Variants in CCDC187 observed in about 807,000 individuals in gnomAD.
CCDC187 encodes the protein coiled-coil domain containing 187, also known as coiled-coil domain-containing protein 187.
A neutral mutation model predicts 38.0 loss-of-function variants in CCDC187; 32 were observed. The observed-to-expected ratio is 0.84, with a 90% CI of 0.64 to 1.13. CCDC187 has a LOEUF of 1.13. Among genes scored for constraint, CCDC187 ranks in the 50% most tolerant of loss-of-function variants. The pLI, the probability that CCDC187 is intolerant of heterozygous loss-of-function variation, is 0.00. For synonymous variants in CCDC187, 333 were observed against 347.9 expected (o/e 0.96, Z 0.48); for missense variants, 707 against 786.8 (o/e 0.90, Z 1.21).
In CCDC187 at chr9:136,251,235, G is replaced by A. The variant is rs1438542310; in HGVS notation, c.*2359C>T. On this transcript the variant is annotated 3_prime_UTR_variant, in exon 26 of 26. Transcript: ENST00000638797. Reference sequence around the variant, plus strand: ...CCAGAGAAATTACAGGGGTCCCAGTGAATCCTCTGGAAGCAAAGAAAAGTC... The same window carrying A: ...CCAGAGAAATTACAGGGGTCCCAGTAAATCCTCTGGAAGCAAAGAAAAGTC... 1 of 337,390 alleles carries A rather than the reference G, an allele frequency of 3.0e-6. No individual in the cohort carries two copies. Among genetic ancestry groups the A allele is most frequent in the Non-Finnish European group, 5.9e-6 (1 of 168,616 alleles). The allele number at this position is 337,390 out of a possible 1,614,324, so 20.9% of individuals were successfully genotyped here.
At chr9:136,272,366 TA>T (rs1488691848) in intron 14 of CCDC187, among the ~76,000 whole-genome samples, 1 of 152,180 alleles carries the variant, frequency 6.6e-6, no homozygotes, top group Non-Finnish European at 1.5e-5. Flanking sequence ...ATAAAACATT[TA>T]AAATAAGCCT....
intron 4 of CCDC187, among the ~76,000 whole-genome samples, chr9:136,293,708 A>C (rs1170972256): frequency 1.3e-5 from 2 of 151,832 alleles, no homozygotes; most frequent in African/African-American, 4.8e-5. Flanking sequence ...GCTCAGTCAC[A>C]TGCTTTCACA....
intron 8 of CCDC187, chr9:136,285,809 C>T (rs1831165647): frequency 7.6e-6 from 3 of 397,146 alleles, no homozygotes; most frequent in South Asian, 1.4e-4. Context: ...CCTCACCCTT[C>T]TGGCCAGAGA....
chr9:136,306,628 G>C (rs1217682029), upstream of CCDC187, among the ~76,000 whole-genome samples: 5 of 152,210 alleles, frequency 3.3e-5, no homozygotes, highest in Non-Finnish European at 7.4e-5. Flanking sequence ...CCTAAGTCAT[G>C]TGTCCAGGGT....
rs1311459673 is a variant in CCDC187, at chr9:136,250,833, G to A, written c.*2761C>T. 3.5e-5 allele frequency: 16 copies of A among 456,190 alleles called. No homozygotes were observed. Among genetic ancestry groups the A allele is most frequent in the African/African-American group, 3.0e-4 (15 of 50,220 alleles). 28.3% of individuals were successfully genotyped at this position (456,190 alleles called of 1,614,324 possible). A position where few individuals can be genotyped will look rare whatever the true frequency, so the allele number is the denominator to read the frequency against. ...GCTAAGCAGCCGCCCCGGGGCTGGA[G>A]AAGGCAGGCTGGGTCCAGCTGCTCC... On this transcript the variant is annotated 3_prime_UTR_variant, in exon 26 of 26. Transcript: ENST00000638797.
chr9:136,280,281 C>G (rs918593040), intron 10 of CCDC187, among the ~76,000 whole-genome samples: 2 of 152,226 alleles, frequency 1.3e-5, no homozygotes, highest in African/African-American at 4.8e-5. Flanking sequence ...CTGTAAGGGC[C>G]GGGGCCTGCT....
intron 10 of CCDC187, among the ~76,000 whole-genome samples, chr9:136,278,308 A>C (rs1830972886): frequency 6.6e-6 from 1 of 152,134 alleles, no homozygotes; most frequent in African/African-American, 2.4e-5. Context: ...TGGCCTGAGG[A>C]GGGGGAGTCC....
chr9:136,286,682 A>G lies in CCDC187; in HGVS notation c.2236T>C (p.Leu746=). ...TCAGCATGGTTCCAGGCTCTGTTCA[A>G]ACACAGGCAGAAGCTGCAGGAAGAG... ...QEAPGSFCLC[L]NRAWNHAETL... Residue 746 remains leucine, a synonymous_variant, in exon 8 of 26, where the codon TTG becomes CTG. Transcript: ENST00000638797. 4 of 398,768 alleles carry G rather than the reference A, an allele frequency of 1.0e-5. No homozygotes were observed. The highest frequency in any genetic ancestry group is 1.8e-5 in the Non-Finnish European group (4 of 226,190). 24.7% of individuals were successfully genotyped at this position (398,768 alleles called of 1,614,324 possible).
rs1337352187 is a variant in CCDC187, at chr9:136,293,150, AAC to A, written c.833-857_833-856del. 1.9e-3 allele frequency among the ~76,000 whole-genome samples: 240 copies of A among 128,166 alleles called. 1 individual carries two copies. Among genetic ancestry groups the A allele is most frequent in the African/African-American group, 4.4e-3 (137 of 30,912 alleles). The allele number at this position is 128,166 out of a possible 152,430, so 84.1% of individuals were successfully genotyped here. A position where few individuals can be genotyped will look rare whatever the true frequency, so the allele number is the denominator to read the frequency against. On this transcript the variant is annotated intron_variant, in intron 4 of 25. Coordinates refer to ENST00000638797, the MANE Select transcript of CCDC187 (RefSeq NM_001378188.1). ...ACACTCACATGCTCACACACTCACA[AAC>A]ACATGCTCACACACTCACATGCTCA...
intron 19 of CCDC187, among the ~76,000 whole-genome samples, chr9:136,261,568 T>C (rs1356480009): frequency 6.6e-6 from 1 of 152,232 alleles, no homozygotes; most frequent in Non-Finnish European, 1.5e-5. Flanking sequence ...TTCCTGGGAC[T>C]GGCAACTGGT....
At chr9:136,263,365 G>A (rs1303032821) in intron 18 of CCDC187, among the ~76,000 whole-genome samples, 1 of 151,720 alleles carries the variant, frequency 6.6e-6, no homozygotes, top group Non-Finnish European at 1.5e-5. Flanking sequence ...CTCCCGAGTA[G>A]CTGGGACCAC....
chr9:136,292,726 C>T (rs1475623919), intron 4 of CCDC187, among the ~76,000 whole-genome samples: 2 of 152,208 alleles, frequency 1.3e-5, no homozygotes, highest in African/African-American at 2.4e-5. Flanking sequence ...TGCTGCACAT[C>T]GGGCTCCGCG....
Position 136,292,175 on chromosome 9 carries a change from AGAGCCGGGTCTCTCGAGG to A in CCDC187, c.935_952del (p.Pro312_Ala317del). On this transcript the variant is annotated inframe_deletion, in exon 5 of 26. Coordinates refer to ENST00000638797, the MANE Select transcript of CCDC187 (RefSeq NM_001378188.1). ...GGCACAGGTACCTAAGTCCACGGTG[AGAGCCGGGTCTCTCGAGG>A]GATCCTTGCTATGGTGCCTGCGGAG... The A allele has an allele frequency of 5.0e-6, 2 of 398,728 alleles. No homozygotes were observed. Among genetic ancestry groups the A allele is most frequent in the Non-Finnish European group, 8.8e-6 (2 of 226,204 alleles). 24.7% of individuals were successfully genotyped at this position (398,728 alleles called of 1,614,324 possible). A position where few individuals can be genotyped will look rare whatever the true frequency, so the allele number is the denominator to read the frequency against.
intron 19 of CCDC187, 79 bp downstream of exon 19, chr9:136,262,232 C>A (rs1830687947): frequency 3.1e-6 from 3 of 983,388 alleles, no homozygotes; most frequent in Non-Finnish European, 3.6e-6. Context: ...CCACCGGCCA[C>A]CCGGGGCAGA....
At chr9:136,292,629 G>C (rs918018388) in intron 4 of CCDC187, among the ~76,000 whole-genome samples, 1 of 152,204 alleles carries the variant, frequency 6.6e-6, no homozygotes, top group African/African-American at 2.4e-5. Flanking sequence ...AGCACAGGCC[G>C]GGCACGCAGC....
chr9:136,293,071 T>G, intron 4 of CCDC187, among the ~76,000 whole-genome samples: 1 of 152,200 alleles, frequency 6.6e-6, no homozygotes, highest in East Asian at 1.9e-4. Context: ...GGGCCAGCCC[T>G]GGGCTCACAT....
chr9:136,255,643 G>A lies in CCDC187; in HGVS notation c.4693+14C>T. 1.0e-6 allele frequency: 1 copy of A among 983,452 alleles called. No individual in the cohort carries two copies. The highest frequency in any genetic ancestry group is 1.2e-6 in the Non-Finnish European group (1 of 828,118). The allele number at this position is 983,452 out of a possible 1,614,324, so 60.9% of individuals were successfully genotyped here. On this transcript the variant is annotated intron_variant, in intron 25 of 25. Coordinates refer to ENST00000638797, the MANE Select transcript of CCDC187 (RefSeq NM_001378188.1). ...CTCGATGGCTGAAGGAGGGGCTGGG[G>A]GCTGGGGCATTACCTGGGGAGGCAG...
chr9:136,282,415 G>C (rs1001740464), intron 9 of CCDC187, among the ~76,000 whole-genome samples: 5 of 152,358 alleles, frequency 3.3e-5, no homozygotes, highest in Admixed American at 2.6e-4. Flanking sequence ...AGTGCTACTG[G>C]GATGAGGGGT....
rs555312724 is a variant in CCDC187 at position 136,250,667 on chromosome 9, C to A, written c.*2927G>T. On this transcript the variant is annotated 3_prime_UTR_variant, in exon 26 of 26. Coordinates refer to ENST00000638797, the MANE Select transcript of CCDC187 (RefSeq NM_001378188.1). ...GAGCATGGAGCAGGAACACATTCCC[C>A]ACTGGATCCAAACATCTGCATTCTC... 1.1e-5 allele frequency: 5 copies of A among 448,068 alleles called. No individual in the cohort carries two copies. In the East Asian group the frequency reaches 2.8e-4, roughly 25 times the overall value. 27.8% of individuals were successfully genotyped at this position (448,068 alleles called of 1,614,324 possible). A position where few individuals can be genotyped will look rare whatever the true frequency, so the allele number is the denominator to read the frequency against.
Sources: gnomAD v4.1 joint callset for allele counts (sites outside exome capture counted in the v4.1 genomes callset) on GRCh38, gnomAD v4.1.1 for gene constraint, MANE v1.5 for transcripts, NCBI Gene and HGNC (gene_info 2026-07-23, HGNC 2026-07-21) for gene names.